The following CNOT1 variants were observed in gnomAD, a reference collection of about 807,000 sequenced individuals.
The protein encoded by CNOT1 is CCR4-NOT transcription complex subunit 1, also known as CCR4-associated factor 1.
A neutral mutation model predicts 273.8 loss-of-function variants in CNOT1; 15 were observed. That is an observed-to-expected ratio of 0.05 (90% CI 0.04 to 0.08). The LOEUF is 0.08. CNOT1 is among the 10% of genes least tolerant of loss of function. The pLI, the probability that CNOT1 is intolerant of heterozygous loss-of-function variation, is 1.00. For synonymous variants in CNOT1, 1,022 were observed against 1,005.5 expected, an observed-to-expected ratio of 1.02 and a Z score of -0.31; for missense variants, 1,644 against 2,912.2, an observed-to-expected ratio of 0.56 and a Z score of 10.02.
chr16:58,627,712 C>T (rs1355790469), intron 1 of CNOT1, among the ~76,000 whole-genome samples: 4 of 152,076 alleles, frequency 2.6e-5, no homozygotes, highest in Admixed American at 6.6e-5. Flanking sequence ...AAAAAGAGCA[C>T]ATTTCAATTC....
In CNOT1 at chr16:58,521,392, T is replaced by C. The variant is rs2039363703; in HGVS notation, c.6918-75A>G. On this transcript the variant is annotated intron_variant, in intron 47 of 48. Coordinates refer to ENST00000317147, the MANE Select transcript of CNOT1 (RefSeq NM_016284.5). ...ATGATTATTCTTCCATTACTTTTTT[T>C]CTAACTTCTCCCTGACTATTGAACC... The C allele has an allele frequency of 4.1e-6, 6 of 1,455,406 alleles. No individual in the cohort carries two copies. In the African/African-American group the frequency reaches 4.3e-5, roughly 10 times the overall value. The allele number at this position is 1,455,406 out of a possible 1,614,324, so 90.2% of individuals were successfully genotyped here.
chr16:58,598,278 ATCCCAGCTACTC>A (rs1368471648), intron 2 of CNOT1, among the ~76,000 whole-genome samples: 3 of 151,890 alleles, frequency 2.0e-5, no homozygotes, highest in African/African-American at 7.3e-5. Context: ...TGTGCCTATA[ATCCCAGCTACTC>A]GGAAGGTTAA....
At chr16:58,584,340 C>T (rs900484512) in intron 8 of CNOT1, among the ~76,000 whole-genome samples, 1 of 151,680 alleles carries the variant, frequency 6.6e-6, no homozygotes, top group Non-Finnish European at 1.5e-5. Flanking sequence ...TTGTTAGTCT[C>T]GCTTTTTTTT....
In CNOT1 at chr16:58,525,297, G is replaced by C; in HGVS notation, c.6666C>G (p.Val2222=). Residue 2222 remains valine, a synonymous_variant, in exon 46 of 49, where the codon GTC becomes GTG. Coordinates refer to ENST00000317147, the MANE Select transcript of CNOT1 (RefSeq NM_016284.5). ...LQLINALVLY[V]GTQAIAHIHN... ...GGATGTGCGCAATGGCCTGAGTCCC[G>C]ACATAGAGCACCAGTGCATTGATGA... 1 of 1,613,872 alleles carries C rather than the reference G, an allele frequency of 6.2e-7. No homozygotes were observed. Among genetic ancestry groups the C allele is most frequent in the Non-Finnish European group, 8.5e-7 (1 of 1,180,030 alleles).
At position 58,587,235 on chromosome 16, in the gene CNOT1, C is replaced by G. The variant is rs2041904799; in HGVS notation, c.399G>C (p.Leu133=). 6 of 1,613,548 alleles carry G rather than the reference C, an allele frequency of 3.7e-6. No individual in the cohort carries two copies. The highest frequency in any genetic ancestry group is 2.2e-5 in the East Asian group (1 of 44,862). The change falls in exon 6 of 49, where the codon CTG becomes CTC. Residue 133 remains leucine, a synonymous_variant. Transcript: ENST00000317147. ...TAAGATCTGAGCTGGAAGAATTCAACAGGGCAAGGCCAAAAATTACCTGAA... is the reference window on the plus strand; with the variant it reads ...TAAGATCTGAGCTGGAAGAATTCAAGAGGGCAAGGCCAAAAATTACCTGAA... ...KVQEVIFGLA[L]LNSSSSDLRG...
intron 1 of CNOT1, among the ~76,000 whole-genome samples, chr16:58,606,574 G>C (rs888443900): frequency 1.3e-5 from 2 of 152,080 alleles, no homozygotes; most frequent in African/African-American, 2.4e-5. Flanking sequence ...AGGCCGAGAC[G>C]GGAGGATCAC....
chr16:58,547,340 C>A lies in CNOT1; in HGVS notation c.3640-44G>T. On this transcript the variant is annotated intron_variant, in intron 26 of 48. Coordinates refer to ENST00000317147, the MANE Select transcript of CNOT1 (RefSeq NM_016284.5). This position sits in a 1 kb window ranked among gnomAD's most constrained non-coding sequence, Gnocchi z 4.0. ...TTTCAAAAGCGGGGAATATACCCCC[C>A]AAAATGGTATAACAAAACCAAAGAA... The A allele has an allele frequency of 6.2e-7, 1 of 1,602,256 alleles. No homozygotes were observed. Among genetic ancestry groups the A allele is most frequent in the South Asian group, 1.1e-5 (1 of 88,886 alleles).
intron 1 of CNOT1, among the ~76,000 whole-genome samples, chr16:58,627,763 T>C (rs1411175248): frequency 6.6e-6 from 1 of 152,192 alleles, no homozygotes; most frequent in Non-Finnish European, 1.5e-5. Flanking sequence ...TTAAAACTTC[T>C]AAGATTACAA....
intron 16 of CNOT1, among the ~76,000 whole-genome samples, chr16:58,563,902 T>C (rs1795942078): frequency 6.6e-6 from 1 of 152,186 alleles, no homozygotes. Context: ...GTAAAAATGA[T>C]GGATGCAAAA....
Position 58,556,877 on chromosome 16 carries a change from G to A in CNOT1, c.2449C>T (p.Pro817Ser), listed in dbSNP as rs1239448888. 1 of 1,613,984 alleles carries A rather than the reference G, an allele frequency of 6.2e-7. No homozygotes were observed. The highest frequency in any genetic ancestry group is 8.5e-7 in the Non-Finnish European group (1 of 1,179,964). ...RKLGTSGLNQ[P>S]TFQQSKMKPS... ...TTCATCTTACTCTGCTGGAATGTAGGCTGATTCAGTCCAGAGGTGCCCAGT... is the reference window on the plus strand; with the variant it reads ...TTCATCTTACTCTGCTGGAATGTAGACTGATTCAGTCCAGAGGTGCCCAGT... Residue 817 changes from proline to serine, a missense_variant, in exon 19 of 49, where the codon CCT becomes TCT. Transcript: ENST00000317147.
chr16:58,575,919 C>T (rs990454233), intron 14 of CNOT1, among the ~76,000 whole-genome samples: 2 of 152,136 alleles, frequency 1.3e-5, no homozygotes, highest in African/African-American at 2.4e-5. Flanking sequence ...ATGAGAAAAG[C>T]TAACTTTTCA....
intron 1 of CNOT1, among the ~76,000 whole-genome samples, chr16:58,621,366 C>T (rs1264060942): frequency 6.6e-6 from 1 of 152,042 alleles, no homozygotes; most frequent in Admixed American, 6.6e-5. Context: ...CTCCACCTCC[C>T]AGGGTCCAGC....
chr16:58,597,326 T>G (rs956890634), intron 2 of CNOT1, among the ~76,000 whole-genome samples: 4 of 151,540 alleles, frequency 2.6e-5, no homozygotes, highest in African/African-American at 9.7e-5. Context: ...ATACAAAAAA[T>G]TAGCTGGGTG....
intron 16 of CNOT1, among the ~76,000 whole-genome samples, chr16:58,564,544 G>C (rs1322445168): frequency 6.6e-6 from 1 of 152,088 alleles, no homozygotes; most frequent in Admixed American, 6.6e-5. Context: ...TCACCAATGA[G>C]ACACATCATT....
chr16:58,532,108 G>A (rs1463227205), intron 41 of CNOT1, 33 bp from the exon 42 acceptor site: 1 of 1,613,466 alleles, frequency 6.2e-7, no homozygotes, highest in Non-Finnish European at 8.5e-7. Flanking sequence ...CAGAAGCACA[G>A]TCCAACTTAA....
At chr16:58,595,143 A>G (rs2151999415) in intron 2 of CNOT1, among the ~76,000 whole-genome samples, 1 of 152,080 alleles carries the variant, frequency 6.6e-6, no homozygotes. Context: ...GAATTTTACA[A>G]CCTATGGATA....
intron 1 of CNOT1, among the ~76,000 whole-genome samples, chr16:58,606,531 A>G (rs1215651775): frequency 1.3e-5 from 2 of 152,160 alleles, no homozygotes; most frequent in Admixed American, 1.3e-4. Flanking sequence ...GGCCAGGCGC[A>G]CCGGCTCACG....
intron 13 of CNOT1, among the ~76,000 whole-genome samples, chr16:58,577,816 G>A (rs1216217559): frequency 6.6e-6 from 1 of 150,530 alleles, no homozygotes; most frequent in African/African-American, 2.4e-5. Flanking sequence ...CTCCAGCCTA[G>A]GTGACAGGGC....
rs755217314 is a variant in CNOT1 at position 58,530,354 on chromosome 16, G to C, written c.6178-7C>G. On this transcript the variant is annotated splice_region_variant and splice_polypyrimidine_tract_variant and intron_variant, in intron 42 of 48. Transcript: ENST00000317147. ...GTGCATACATAGGCCACCCCTGAAA[G>C]AAAGAAATGTACATGAGTCATAATT... 3 of 1,599,462 alleles carry C rather than the reference G, an allele frequency of 1.9e-6. No homozygotes were observed. Among genetic ancestry groups the C allele is most frequent in the South Asian group, 1.1e-5 (1 of 89,274 alleles).
Sources: gnomAD v4.1 joint callset for allele counts (sites outside exome capture counted in the v4.1 genomes callset) on GRCh38, gnomAD v4.1.1 for gene constraint, Gnocchi (gnomAD v3.1) non-coding constraint, MANE v1.5 for transcripts, NCBI Gene and HGNC (gene_info 2026-07-23, HGNC 2026-07-21) for gene names.